Variants in CSMD1 observed in about 807,000 individuals in gnomAD.
CSMD1 encodes CUB and Sushi multiple domains 1.
In CSMD1, 213 loss-of-function variants were observed where a neutral mutation model predicts 417.5. The observed-to-expected ratio is 0.51, with a 90% CI of 0.46 to 0.57. CSMD1 has a LOEUF of 0.57. Ranked by LOEUF, CSMD1 falls within the 20% of genes least tolerant of loss-of-function variation. CSMD1 has a pLI of 0.00. For synonymous variants in CSMD1, 2,862 were observed against 1,736.8 expected, an observed-to-expected ratio of 1.65 and a Z score of -16.11; for missense variants, 6,923 against 4,529.7, an observed-to-expected ratio of 1.53 and a Z score of -15.17.
chr8:3,317,277 C>G (rs977951386), intron 23 of CSMD1, among the ~76,000 whole-genome samples: 1 of 152,158 alleles, frequency 6.6e-6, no homozygotes, highest in Non-Finnish European at 1.5e-5. Flanking sequence ...AATAAACATG[C>G]TTTGGATATG....
At chr8:3,920,943 A>T (rs1809208099) in intron 5 of CSMD1, among the ~76,000 whole-genome samples, 2 of 152,138 alleles carry the variant, frequency 1.3e-5, no homozygotes, top group Non-Finnish European at 2.9e-5. Flanking sequence ...CTTTTATTGT[A>T]ATGTAATCTA....
intron 2 of CSMD1, among the ~76,000 whole-genome samples, chr8:4,587,143 A>AT (rs1249487878): frequency 6.6e-6 from 1 of 152,034 alleles, no homozygotes; most frequent in African/African-American, 2.4e-5. Context: ...TTCCACATTG[A>AT]TTTTTCTGCC....
Position 4,429,337 on chromosome 8 carries a change from T to C in CSMD1, c.303-9272A>G, listed in dbSNP as rs142738743. 1.6e-3 allele frequency among the ~76,000 whole-genome samples: 242 copies of C among 152,234 alleles called. 2 individuals are homozygous for C. Among genetic ancestry groups the C allele is most frequent in the South Asian group, 0.015 (72 of 4,820 alleles). On this transcript the variant is annotated intron_variant, in intron 2 of 69. Coordinates refer to ENST00000635120, the MANE Select transcript of CSMD1 (RefSeq NM_033225.6). ...TCTTCAAGAGCTTTACATGTGTATA[T>C]GTGTGTATACATAGATATACACACA... is the stretch of plus-strand genomic sequence containing the variant.
At chr8:4,915,237 T>C (rs1805972009) in intron 1 of CSMD1, among the ~76,000 whole-genome samples, 1 of 152,130 alleles carries the variant, frequency 6.6e-6, no homozygotes, top group African/African-American at 2.4e-5. Context: ...ATAAAATATG[T>C]ATAACAAGAA....
At chr8:3,994,822 G>C (rs978008331) in intron 5 of CSMD1, among the ~76,000 whole-genome samples, 28 of 152,148 alleles carry the variant, frequency 1.8e-4, no homozygotes, top group Admixed American at 1.6e-3. Flanking sequence ...ATGAAAATAA[G>C]GCTAATCCTA....
chr8:4,400,570 A>C (rs1434151440), intron 3 of CSMD1, among the ~76,000 whole-genome samples: 22 of 152,218 alleles, frequency 1.4e-4, no homozygotes. Flanking sequence ...CACATCAGCC[A>C]TTACTTTCAT....
chr8:4,322,356 T>C (rs2128884945), intron 3 of CSMD1, among the ~76,000 whole-genome samples: 1 of 152,038 alleles, frequency 6.6e-6, no homozygotes, highest in African/African-American at 2.4e-5. Flanking sequence ...CTGGAGAGAG[T>C]TTAAAGTGGA....
chr8:3,807,077 G>C (rs571404354), intron 5 of CSMD1, among the ~76,000 whole-genome samples: 4 of 152,070 alleles, frequency 2.6e-5, no homozygotes, highest in African/African-American at 9.7e-5. Context: ...ACTATCCATG[G>C]CTTCCCCCAC....
intron 15 of CSMD1, 46 bp downstream of exon 15, chr8:3,405,981 A>T: frequency 6.4e-7 from 1 of 1,570,670 alleles, no homozygotes; most frequent in Non-Finnish European, 8.7e-7. Context: ...CTGAAGATAG[A>T]TGTGTGATTT....
At chr8:4,158,243 G>A (rs537938842) in intron 3 of CSMD1, among the ~76,000 whole-genome samples, 2 of 152,102 alleles carry the variant, frequency 1.3e-5, no homozygotes, top group South Asian at 4.2e-4. Context: ...GGAGGATCAT[G>A]CCCCCATGCC....
chr8:4,981,621 G>A (rs1053097408), intron 1 of CSMD1, among the ~76,000 whole-genome samples: 1 of 152,132 alleles, frequency 6.6e-6, no homozygotes, highest in African/African-American at 2.4e-5. Flanking sequence ...TGGTTGCTAA[G>A]CTCTTTGCTG....
chr8:3,669,602 C>T (rs538146133), intron 7 of CSMD1, among the ~76,000 whole-genome samples: 14 of 152,254 alleles, frequency 9.2e-5, no homozygotes, highest in African/African-American at 1.4e-4. Context: ...CAGAAAATCA[C>T]GACAGGGAAG....
chr8:4,819,171 C>G (rs544896534), intron 1 of CSMD1, among the ~76,000 whole-genome samples: 1 of 152,240 alleles, frequency 6.6e-6, no homozygotes, highest in Admixed American at 6.5e-5. Flanking sequence ...CTTCCACTCT[C>G]AAGGAACACA....
chr8:4,527,484 T>A (rs900953807), intron 2 of CSMD1, among the ~76,000 whole-genome samples: 1 of 152,182 alleles, frequency 6.6e-6, no homozygotes, highest in African/African-American at 2.4e-5. Context: ...GAGTTGTCAG[T>A]GTCAAGATAT....
At chr8:4,653,619 A>G (rs1804046186) in intron 1 of CSMD1, among the ~76,000 whole-genome samples, 1 of 152,136 alleles carries the variant, frequency 6.6e-6, no homozygotes, top group African/African-American at 2.4e-5. Flanking sequence ...ACCACCAGTG[A>G]CAGAGAGTCA....
intron 7 of CSMD1, among the ~76,000 whole-genome samples, chr8:3,657,252 A>C (rs571098466): frequency 3.3e-4 from 51 of 152,344 alleles, no homozygotes; most frequent in African/African-American, 1.2e-3. Flanking sequence ...AAGCAGCAGC[A>C]TTTCTATATG....
chr8:4,530,037 C>G (rs184888603), intron 2 of CSMD1, among the ~76,000 whole-genome samples: 1 of 152,114 alleles, frequency 6.6e-6, no homozygotes, highest in Non-Finnish European at 1.5e-5. Context: ...GCCTCAGCCT[C>G]CAGAGTAGCT....
At chr8:3,965,743 G>T (rs1037741963) in intron 5 of CSMD1, among the ~76,000 whole-genome samples, 1 of 151,820 alleles carries the variant, frequency 6.6e-6, no homozygotes, top group Non-Finnish European at 1.5e-5. Flanking sequence ...TCAGCCTCCC[G>T]AGTAGCTGGG....
rs1214569380 is a variant in CSMD1, at chr8:4,000,063, A to G, written c.611-1953T>C. ...TGTATACTACAATTTGAAAACTGCA[A>G]AAGTACTTCCTGTGCCCACTACCAA... On this transcript the variant is annotated intron_variant, in intron 4 of 69. Transcript: ENST00000635120. Among the ~76,000 whole-genome samples, 4 of 152,256 alleles carry G rather than the reference A, an allele frequency of 2.6e-5. No homozygotes were observed. In the East Asian group the frequency reaches 5.8e-4, roughly 22 times the overall value.
Sources: allele counts gnomAD v4.1 joint callset (sites outside exome capture counted in the v4.1 genomes callset), GRCh38; gene constraint gnomAD v4.1.1; transcripts MANE v1.5; gene names NCBI Gene and HGNC (gene_info 2026-07-23, HGNC 2026-07-21).